Variants in KLHL8 observed in about 807,000 individuals in gnomAD.
The protein encoded by KLHL8 is kelch-like protein 8.
KLHL8 carries 38 observed loss-of-function variants against 63.5 expected under a neutral mutation model. The ratio of observed to expected loss-of-function variants is 0.60; its 90% CI spans 0.46 to 0.78. The LOEUF (loss-of-function observed/expected upper bound fraction) is 0.78. KLHL8 is among the 30% of genes least tolerant of loss of function. KLHL8 has a pLI of 0.00. For synonymous variants in KLHL8, 224 were observed against 254.3 expected, an observed-to-expected ratio of 0.88 and a Z score of 1.13; for missense variants, 566 against 752.4, an observed-to-expected ratio of 0.75 and a Z score of 2.90.
At chr4:87,238,673 T>C (rs1358111775) in intron 1 of KLHL8, among the ~76,000 whole-genome samples, 1 of 152,176 alleles carries the variant, frequency 6.6e-6, no homozygotes, top group Non-Finnish European at 1.5e-5. Flanking sequence ...GCTACCAAAA[T>C]GGACAGGAGA....
upstream of KLHL8, chr4:87,240,455 G>C (rs1051478644): frequency 6.6e-6 from 1 of 152,132 alleles, no homozygotes; most frequent in Non-Finnish European, 1.5e-5. Context: ...AGTAGCTTCA[G>C]TTGTTCCAGT....
intron 1 of KLHL8, among the ~76,000 whole-genome samples, chr4:87,232,117 G>C (rs1733146974): frequency 6.6e-6 from 1 of 152,156 alleles, no homozygotes; most frequent in African/African-American, 2.4e-5. Flanking sequence ...TAATTAAATA[G>C]AACTGTGCAC....
At chr4:87,171,649 C>A (rs1322078765) in intron 6 of KLHL8, among the ~76,000 whole-genome samples, 1 of 152,134 alleles carries the variant, frequency 6.6e-6, no homozygotes, top group African/African-American at 2.4e-5. Context: ...TCATAATTGT[C>A]CCTCCCCTTA....
chr4:87,204,164 T>G (rs542759730), intron 1 of KLHL8, among the ~76,000 whole-genome samples: 1 of 152,226 alleles, frequency 6.6e-6, no homozygotes, highest in South Asian at 2.1e-4. Flanking sequence ...TGCACTATCA[T>G]CCGATCATGC....
chr4:87,169,531 T>C (rs1730555580), intron 8 of KLHL8, among the ~76,000 whole-genome samples: 1 of 152,124 alleles, frequency 6.6e-6, no homozygotes, highest in Non-Finnish European at 1.5e-5. Flanking sequence ...GTTTTAAACA[T>C]GAAAGATGAA....
Position 87,165,137 on chromosome 4 carries a change from A to G in KLHL8, c.1538-1058T>C, listed in dbSNP as rs373185068. Among the ~76,000 whole-genome samples the G allele has an allele frequency of 5.7e-3, 815 of 143,904 alleles. 2 individuals are homozygous for G. Among genetic ancestry groups the G allele is most frequent in the Middle Eastern group, 0.017 (5 of 286 alleles). 94.4% of individuals were successfully genotyped at this position (143,904 alleles called of 152,430 possible). Reference sequence around the variant, plus strand: ...TGCACTCCAGCCTGGGCGACAGAGCAAGACTCTGTCTCAAAAAAAAAAAAA... The same window carrying G: ...TGCACTCCAGCCTGGGCGACAGAGCGAGACTCTGTCTCAAAAAAAAAAAAA... On this transcript the variant is annotated intron_variant, in intron 8 of 9. Coordinates refer to ENST00000273963, the MANE Select transcript of KLHL8 (RefSeq NM_020803.5).
chr4:87,208,004 T>C, intron 1 of KLHL8: 1 of 715,106 alleles, frequency 1.4e-6, no homozygotes, highest in Admixed American at 1.8e-5. Flanking sequence ...AACAACCACT[T>C]TGTCAAGATC....
At chr4:87,193,109 G>C (rs963792798) in intron 2 of KLHL8, among the ~76,000 whole-genome samples, 4 of 151,962 alleles carry the variant, frequency 2.6e-5, no homozygotes, top group Admixed American at 2.6e-4. Flanking sequence ...ATTAACCTTA[G>C]CTTACTGTGA....
At chr4:87,207,309 C>T (rs1409816499) in intron 1 of KLHL8, 4 of 601,704 alleles carry the variant, frequency 6.6e-6, no homozygotes, top group South Asian at 1.6e-5. Context: ...ATCCCATTAC[C>T]ATCTTCCAGG....
At chr4:87,235,577 G>A (rs1733211830) in intron 1 of KLHL8, among the ~76,000 whole-genome samples, 1 of 152,166 alleles carries the variant, frequency 6.6e-6, no homozygotes, top group South Asian at 2.1e-4. Flanking sequence ...CATCATTTGA[G>A]ATGAATTGAA....
chr4:87,226,777 ATATATATAATATATAT>A (rs1733005524), intron 1 of KLHL8, among the ~76,000 whole-genome samples: 2 of 12,206 alleles, frequency 1.6e-4, no homozygotes, highest in African/African-American at 5.2e-4. Flanking sequence ...AATATATATT[ATATATATAATATATAT>A]TATATATAAT....
intron 1 of KLHL8, among the ~76,000 whole-genome samples, chr4:87,238,537 C>G (rs1560727778): frequency 2.0e-5 from 3 of 152,078 alleles, no homozygotes; most frequent in Non-Finnish European, 4.4e-5. Context: ...AGTTCTATAT[C>G]TGTTCTTTTT....
intron 6 of KLHL8, among the ~76,000 whole-genome samples, chr4:87,176,176 T>C (rs1220711927): frequency 6.6e-6 from 1 of 152,226 alleles, no homozygotes; most frequent in Non-Finnish European, 1.5e-5. Flanking sequence ...AGGTGCAGGG[T>C]AGGTGGCAAG....
chr4:87,163,772 T>C (rs1730268465), intron 9 of KLHL8, 106 bp downstream of exon 9: 2 of 1,515,434 alleles, frequency 1.3e-6, no homozygotes, highest in African/African-American at 1.4e-5. Flanking sequence ...AGATAAGATA[T>C]CCCAAAGCTT....
At position 87,207,614 on chromosome 4, in the gene KLHL8, C is replaced by T. The variant is rs1194756482; in HGVS notation, c.-151-11924G>A. 2.4e-6 allele frequency: 3 copies of T among 1,232,814 alleles called. No individual in the cohort carries two copies. In the East Asian group the frequency reaches 7.0e-5, roughly 29 times the overall value. 76.4% of individuals were successfully genotyped at this position (1,232,814 alleles called of 1,614,324 possible). A position where few individuals can be genotyped will look rare whatever the true frequency, so the allele number is the denominator to read the frequency against. On this transcript the variant is annotated intron_variant, in intron 1 of 9. Transcript: ENST00000273963. ...GGTATCGTGGAAGGACTCATGACTA[C>T]AGTCCATGCCATCACTGCCACCCAG...
At position 87,183,321 on chromosome 4, in the gene KLHL8, T is replaced by C. The variant is rs1035644915; in HGVS notation, c.834A>G (p.Gln278=). Residue 278 remains glutamine, a synonymous_variant, in exon 4 of 10, where the codon CAA becomes CAG. Coordinates refer to ENST00000273963, the MANE Select transcript of KLHL8 (RefSeq NM_020803.5). ...GVVAKEQIVK[Q]NLKCRDLLDE... is the part of the protein sequence containing the mutation. ...CCAGTAAATCTCTACATTTTAGATT[T>C]TGCTTGACAATCTGTTCTTTTGCCA... The C allele has an allele frequency of 3.1e-6, 5 of 1,613,502 alleles. No homozygotes were observed. The highest frequency in any genetic ancestry group is 1.7e-4 in the Middle Eastern group (1 of 6,060).
At position 87,183,302 on chromosome 4, in the gene KLHL8, A is replaced by G. The variant is rs1476182345; in HGVS notation, c.853T>C (p.Leu285=). ...TGGTAATTTCTTGCTTCATCCAGTA[A>G]ATCTCTACATTTTAGATTTTGCTTG... ...IVKQNLKCRD[L]LDEARNYHLH... Residue 285 remains leucine, a synonymous_variant, in exon 4 of 10, where the codon TTA becomes CTA. Coordinates refer to ENST00000273963, the MANE Select transcript of KLHL8 (RefSeq NM_020803.5). The G allele has an allele frequency of 6.2e-7, 1 of 1,613,540 alleles. No homozygotes were observed. Among genetic ancestry groups the G allele is most frequent in the Non-Finnish European group, 8.5e-7 (1 of 1,179,722 alleles).
intron 8 of KLHL8, among the ~76,000 whole-genome samples, chr4:87,164,970 A>G (rs929437516): frequency 2.0e-4 from 30 of 151,886 alleles, no homozygotes; most frequent in East Asian, 3.9e-4. Context: ...AACACGGTGA[A>G]ACCCCGTCTC....
At chr4:87,204,527 C>T (rs1407280532) in intron 1 of KLHL8, among the ~76,000 whole-genome samples, 7 of 152,226 alleles carry the variant, frequency 4.6e-5, no homozygotes, top group Non-Finnish European at 1.0e-4. Flanking sequence ...CATATAGCAG[C>T]TCTAGTTGCA....
Sources: allele counts gnomAD v4.1 joint callset (sites outside exome capture counted in the v4.1 genomes callset), GRCh38; gene constraint gnomAD v4.1.1; transcripts MANE v1.5; gene names NCBI Gene and HGNC (gene_info 2026-07-23, HGNC 2026-07-21).